Variants in AVEN observed in about 807,000 individuals in gnomAD.
The protein encoded by AVEN is apoptosis and caspase activation inhibitor, also known as cell death regulator Aven.
AVEN carries 41 observed loss-of-function variants against 38.1 expected under a neutral mutation model. The ratio of observed to expected loss-of-function variants is 1.08; its 90% CI spans 0.84 to 1.40. AVEN has a LOEUF of 1.40. AVEN is among the 40% of genes most tolerant of loss of function. The probability of loss-of-function intolerance (pLI) is 0.00; values close to 1 mark genes in which losing one functional copy is unlikely to be tolerated. For synonymous variants in AVEN, 206 were observed against 171.8 expected (o/e 1.20, Z -1.56); for missense variants, 605 against 438.8 (o/e 1.38, Z -3.38).
At chr15:33,941,618 T>C (rs1436294573) in intron 2 of AVEN, among the ~76,000 whole-genome samples, 1 of 151,972 alleles carries the variant, frequency 6.6e-6, no homozygotes, top group Non-Finnish European at 1.5e-5. Flanking sequence ...CAAAAGTTAA[T>C]TAAAATACAA....
chr15:33,940,413 T>C (rs1051422452), intron 2 of AVEN, among the ~76,000 whole-genome samples: 3 of 152,220 alleles, frequency 2.0e-5, no homozygotes, highest in African/African-American at 7.2e-5. Context: ...TATGAATTAC[T>C]AGTTAGCAGG....
chr15:33,904,762 T>A (rs1221142332), intron 2 of AVEN, among the ~76,000 whole-genome samples: 5 of 145,062 alleles, frequency 3.4e-5, no homozygotes, highest in Non-Finnish European at 7.7e-5. Context: ...TGCACACACA[T>A]ATATATGTAT....
chr15:33,956,596 C>CCA (rs1894962522), intron 2 of AVEN, among the ~76,000 whole-genome samples: 1 of 152,130 alleles, frequency 6.6e-6, no homozygotes, highest in Non-Finnish European at 1.5e-5. Flanking sequence ...TCTCCCCTGC[C>CCA]CACACACACA....
chr15:33,853,168 T>A, the AVEN span: 1 of 1,151,114 alleles, frequency 8.7e-7, no homozygotes, highest in Admixed American at 2.9e-5. Flanking sequence ...CATACAAACA[T>A]GAGTAAATGT....
In AVEN at chr15:33,866,648, C is replaced by A. The variant is rs1480883720; in HGVS notation, c.1054G>T (p.Glu352Ter). The A allele has an allele frequency of 1.2e-6, 2 of 1,614,022 alleles. No homozygotes were observed. Among genetic ancestry groups the A allele is most frequent in the East Asian group, 4.5e-5 (2 of 44,886 alleles). Reference sequence around the variant, plus strand: ...ATGCTGTCCAACCAGTCTTCCAGCTCTTCCTCGGTAACATTTTTGGAGGTA... The same window carrying A: ...ATGCTGTCCAACCAGTCTTCCAGCTATTCCTCGGTAACATTTTTGGAGGTA... ...PSTSKNVTEE[E>*]LEDWLDSMIS Residue 352 changes from glutamate (E) to a stop codon, truncating the protein, a stop_gained, in exon 6 of 6, where the codon GAG becomes TAG. Transcript: ENST00000306730. LOFTEE classifies it high-confidence loss of function.
At chr15:33,901,043 C>T (rs1289938047) in intron 2 of AVEN, among the ~76,000 whole-genome samples, 2 of 152,106 alleles carry the variant, frequency 1.3e-5, no homozygotes, top group Non-Finnish European at 2.9e-5. Flanking sequence ...AAGGCAGGCA[C>T]ATCACGAGGT....
intron 2 of AVEN, among the ~76,000 whole-genome samples, chr15:33,907,394 C>T (rs563096480): frequency 6.6e-6 from 1 of 152,318 alleles, no homozygotes; most frequent in Non-Finnish European, 1.5e-5. Flanking sequence ...GGGGTATCAA[C>T]ATCAGTCATT....
chr15:33,993,363 C>A (rs1207890705), intron 2 of AVEN, among the ~76,000 whole-genome samples: 1 of 152,092 alleles, frequency 6.6e-6, no homozygotes, highest in Non-Finnish European at 1.5e-5. Context: ...ACAATCTTAC[C>A]AGAAAAAGTA....
In AVEN at chr15:33,882,750, A is replaced by G. The variant is rs191985208; in HGVS notation, c.446-6755T>C. ...TACCCAGGTACAGTGGCCCGCACCT[A>G]TAGTCTCAGCTACTCAGGAGGCTGA... On this transcript the variant is annotated intron_variant, in intron 2 of 5. Coordinates refer to ENST00000306730, the MANE Select transcript of AVEN (RefSeq NM_020371.3). Among the ~76,000 whole-genome samples the G allele has an allele frequency of 2.6e-5, 4 of 151,998 alleles. No individual in the cohort carries two copies. The East Asian group carries it at 5.8e-4, about 22-fold the overall frequency.
At chr15:34,070,152 A>T (rs964545236) in intron 2 of AVEN, among the ~76,000 whole-genome samples, 11 of 152,210 alleles carry the variant, frequency 7.2e-5, no homozygotes, top group Admixed American at 2.0e-4. Flanking sequence ...AAAATGCCAG[A>T]TGCTTATAAA....
chr15:33,869,002 G>T (rs1395922437), intron 4 of AVEN, among the ~76,000 whole-genome samples: 1 of 152,124 alleles, frequency 6.6e-6, no homozygotes, highest in East Asian at 1.9e-4. Context: ...CCTCACAGTG[G>T]GCAGGTTCAG....
chr15:34,057,039 C>G (rs963879705), intron 5 of AVEN, among the ~76,000 whole-genome samples: 22 of 152,096 alleles, frequency 1.4e-4, no homozygotes, highest in African/African-American at 5.3e-4. Flanking sequence ...TCTAAAAGAG[C>G]CAGTTTGTGG....
intron 3 of AVEN, among the ~76,000 whole-genome samples, chr15:33,874,083 T>C (rs1259531183): frequency 1.3e-5 from 2 of 152,192 alleles, no homozygotes; most frequent in African/African-American, 4.8e-5. Flanking sequence ...GATCTAACCA[T>C]TTCCATGTTC....
the AVEN span, among the ~76,000 whole-genome samples, chr15:33,853,243 T>A: frequency 0.7 from 106,513 of 152,128 alleles, 40,654 homozygotes; most frequent in Non-Finnish European, 0.86. Flanking sequence ...TATGAACATA[T>A]GTAGGTTTTT....
At chr15:33,882,434 A>C (rs867389887) in intron 2 of AVEN, among the ~76,000 whole-genome samples, 1 of 152,196 alleles carries the variant, frequency 6.6e-6, no homozygotes. Context: ...AAGCTGAGAC[A>C]CAGGAGATAT....
intron 2 of AVEN, among the ~76,000 whole-genome samples, chr15:34,068,989 T>G (rs1176962900): frequency 1.3e-5 from 2 of 151,926 alleles, no homozygotes; most frequent in Admixed American, 6.5e-5. Context: ...TTTTTTGTAT[T>G]TTTAGTAGAG....
intron 5 of AVEN, among the ~76,000 whole-genome samples, chr15:34,060,819 G>A (rs571670383): frequency 2.2e-4 from 33 of 152,192 alleles, no homozygotes; most frequent in Admixed American, 8.5e-4. Context: ...GCAGTGAGCC[G>A]AGATGGTGCC....
At chr15:33,924,028 A>C (rs531966815) in intron 2 of AVEN, among the ~76,000 whole-genome samples, 1 of 152,102 alleles carries the variant, frequency 6.6e-6, no homozygotes, top group East Asian at 1.9e-4. Flanking sequence ...AATAGAAATA[A>C]AGTGCACAAT....
Position 34,063,082 on chromosome 15 carries a change from T to C in AVEN, n.1477A>G. On this transcript the variant is annotated non_coding_transcript_exon_variant, in exon 5 of 12. Coordinates refer to the AVEN transcript ENST00000675287. The surrounding 1 kb of genome is among the most constrained non-coding windows in gnomAD (Gnocchi z 4.1). Reference sequence around the variant, plus strand: ...AGCAACGCTTCTGTCATGAACCTTCTGGTGATCAGTTTTGACCGTTACTTT... The same window carrying C: ...AGCAACGCTTCTGTCATGAACCTTCCGGTGATCAGTTTTGACCGTTACTTT... 6.2e-7 allele frequency: 1 copy of C among 1,614,230 alleles called. No individual in the cohort carries two copies. The highest frequency in any genetic ancestry group is 8.5e-7 in the Non-Finnish European group (1 of 1,180,044).
Sources: gnomAD v4.1 joint callset for allele counts (sites outside exome capture counted in the v4.1 genomes callset) on GRCh38, gnomAD v4.1.1 for gene constraint, Gnocchi (gnomAD v3.1) non-coding constraint, MANE v1.5 for transcripts, NCBI Gene and HGNC (gene_info 2026-07-23, HGNC 2026-07-21) for gene names.